The following TRPV6 variants were observed in gnomAD, a reference collection of about 807,000 sequenced individuals.
The protein encoded by TRPV6 is transient receptor potential cation channel subfamily V member 6.
A neutral mutation model predicts 79.0 loss-of-function variants in TRPV6; 39 were observed. The observed-to-expected ratio is 0.49, with a 90% CI of 0.38 to 0.64. The LOEUF is 0.64. TRPV6 is among the 30% of genes least tolerant of loss of function. The pLI is 0.00. For synonymous variants in TRPV6, 373 were observed against 391.9 expected (o/e 0.95, Z 0.57); for missense variants, 813 against 1,011.1 (o/e 0.80, Z 2.66).
chr7:142,879,087 A>T (rs1043471014), intron 1 of TRPV6: 3 of 152,226 alleles, frequency 2.0e-5, no homozygotes, highest in African/African-American at 7.2e-5. Flanking sequence ...TGTTTCGGCT[A>T]TTGGCCCCTA....
intron 4 of TRPV6, 147 bp from the exon 5 acceptor site, chr7:142,876,984 G>C (rs2116519283): frequency 7.0e-7 from 1 of 1,428,062 alleles, no homozygotes; most frequent in African/African-American, 1.4e-5. Flanking sequence ...GAAGGGTCGT[G>C]GGGTAAATTG....
chr7:142,879,409 T>C (rs1382754402), intron 1 of TRPV6: 2 of 152,230 alleles, frequency 1.3e-5, no homozygotes, highest in Non-Finnish European at 2.9e-5. Flanking sequence ...CTAAGACACA[T>C]GGGTCCCTTT....
At chr7:142,876,171 G>A in intron 6 of TRPV6, 1 of 714,118 alleles carries the variant, frequency 1.4e-6, no homozygotes, top group Non-Finnish European at 2.2e-6. Flanking sequence ...AAGGTGGGCT[G>A]GGGCATTACA....
At chr7:142,877,409 A>G in intron 3 of TRPV6, 130 bp from the exon 4 acceptor site, 1 of 1,496,784 alleles carries the variant, frequency 6.7e-7, no homozygotes, top group Non-Finnish European at 8.9e-7. Context: ...TCGGGTGTTC[A>G]GGATTCCCAG....
intron 14 of TRPV6, 74 bp from the exon 15 acceptor site, chr7:142,872,063 T>C: frequency 6.6e-7 from 1 of 1,509,584 alleles, no homozygotes; most frequent in South Asian, 1.3e-5. Flanking sequence ...TTGTCTGTTA[T>C]CCCCTGGTCC....
Position 142,872,374 on chromosome 7 carries a change from C to T in TRPV6, c.2013G>A (p.Leu671=), listed in dbSNP as rs553541295. 5.0e-6 allele frequency: 8 copies of T among 1,614,156 alleles called. No homozygotes were observed. In the African/African-American group the frequency reaches 1.1e-4, roughly 22 times the overall value. Residue 671 remains leucine, a splice_region_variant and synonymous_variant, in exon 14 of 15, where the codon CTG becomes CTA. Coordinates refer to ENST00000359396, the MANE Select transcript of TRPV6 (RefSeq NM_018646.6). ...ACCTACCCCCGCATATCACTCACCG[C>T]AGGAACCAGCGGTCTCCCAGGCCAT...
chr7:142,872,356 C>T lies in TRPV6; in HGVS notation c.2015+16G>A. ...TGAGGCTTCTCAGGGGACACCTACC[C>T]CCGCATATCACTCACCGCAGGAACC... On this transcript the variant is annotated intron_variant, in intron 14 of 14. Transcript: ENST00000359396. 6.2e-7 allele frequency: 1 copy of T among 1,613,366 alleles called. No individual in the cohort carries two copies. The highest frequency in any genetic ancestry group is 8.5e-7 in the Non-Finnish European group (1 of 1,179,426).
Position 142,875,685 on chromosome 7 carries a change from A to G in TRPV6, c.1030-5T>C, listed in dbSNP as rs187870270. 3.3e-4 allele frequency: 536 copies of G among 1,610,226 alleles called. 4 individuals are homozygous for G. The East Asian group carries it at 0.011, about 34-fold the overall frequency. On this transcript the variant is annotated splice_region_variant and splice_polypyrimidine_tract_variant and intron_variant, in intron 7 of 14. Transcript: ENST00000359396. ...CTGGTCCAGGATCTGGCGAGCCTGC[A>G]ACAGAAAGAGAACAGGTGGCTCAGA...
rs773646935 is a variant in TRPV6, at chr7:142,885,500, G to T, written c.137C>A (p.Pro46His). The change falls in exon 1 of 15, where the codon CCC (proline) becomes CAC (histidine). Residue 46 changes from proline (P) to histidine (H), a missense_variant. Pro to His is a moderately conservative substitution (Grantham distance 77). This residue lies in a region of TRPV6 where 555 missense variants were observed against 631.0 expected (regional missense o/e 0.88). Coordinates refer to ENST00000359396, the MANE Select transcript of TRPV6 (RefSeq NM_018646.6). ...GCAGAGAATTAGCCCTTTCTCCTTG[G>T]GCAGTGACAAACCCATGGGGTGTAG... 7 of 1,613,050 alleles carry T rather than the reference G, an allele frequency of 4.3e-6. No homozygotes were observed. The South Asian group carries it at 6.6e-5, about 15-fold the overall frequency.
rs1230346415 is a variant in TRPV6 at position 142,885,686 on chromosome 7, C to T, written c.-50G>A. ...AGTTCCTTGGGAGTCTCCCAGCAGC[C>T]CCAGCCAGTTTGGAGAGGGCTGTGA... On this transcript the variant is annotated 5_prime_UTR_variant, in exon 1 of 15. Transcript: ENST00000359396. 11 of 906,380 alleles carry T rather than the reference C, an allele frequency of 1.2e-5. No individual in the cohort carries two copies. Among genetic ancestry groups the T allele is most frequent in the Non-Finnish European group, 1.7e-5 (11 of 631,702 alleles). The allele number at this position is 906,380 out of a possible 1,614,324, so 56.1% of individuals were successfully genotyped here.
At chr7:142,885,034 A>G (rs887285277) in intron 1 of TRPV6, 1 of 176,316 alleles carries the variant, frequency 5.7e-6, no homozygotes, top group African/African-American at 2.4e-5. Context: ...CAGTGGAGAT[A>G]CAGAAGGCAT....
Position 142,876,435 on chromosome 7 carries a change from C to T in TRPV6, c.855G>A (p.Lys285=). 6.2e-7 allele frequency: 1 copy of T among 1,614,090 alleles called. No individual in the cohort carries two copies. Among genetic ancestry groups the T allele is most frequent in the Non-Finnish European group, 8.5e-7 (1 of 1,179,980 alleles). The change falls in exon 6 of 15, where the codon AAG becomes AAA. Residue 285 remains lysine, a synonymous_variant. Transcript: ENST00000359396. The stretch of plus-strand genomic sequence containing the variant: ...CAGTGTTACCCTCCACTCCAGCCAG[C>T]TTGAAAGGGGTGAGACCCTGGTGAT...
intron 1 of TRPV6, chr7:142,878,612 G>A (rs1005230463): frequency 6.4e-6 from 1 of 155,284 alleles, no homozygotes; most frequent in African/African-American, 2.4e-5. Context: ...GCATCTTCAG[G>A]GCTTAACACA....
chr7:142,876,131 T>C, intron 6 of TRPV6: 1 of 663,688 alleles, frequency 1.5e-6, no homozygotes, highest in East Asian at 2.7e-5. Context: ...GACGAGAGGC[T>C]GGAGGGCCCT....
Position 142,877,639 on chromosome 7 carries a change from G to A in TRPV6, c.469+12C>T, listed in dbSNP as rs766300853. ...CACTCCTGCTCTTCACCCCAGACCCGTGGGCCCTCACCCTCATAGAGCTCA... is the reference window on the plus strand; with the variant it reads ...CACTCCTGCTCTTCACCCCAGACCCATGGGCCCTCACCCTCATAGAGCTCA... On this transcript the variant is annotated intron_variant, in intron 3 of 14. Coordinates refer to ENST00000359396, the MANE Select transcript of TRPV6 (RefSeq NM_018646.6). 4.3e-5 allele frequency: 69 copies of A among 1,613,450 alleles called. 1 individual carries two copies. The highest frequency in any genetic ancestry group is 5.4e-5 in the Non-Finnish European group (64 of 1,179,790).
chr7:142,879,356 A>G (rs922962366), intron 1 of TRPV6: 1 of 152,138 alleles, frequency 6.6e-6, no homozygotes, highest in Non-Finnish European at 1.5e-5. Flanking sequence ...TCTTATACCT[A>G]CTGTGTGCTA....
At position 142,871,814 on chromosome 7, in the gene TRPV6, T is replaced by A. The variant is rs1480994157; in HGVS notation, c.2191A>T (p.Ser731Cys). The A allele has an allele frequency of 6.2e-7, 1 of 1,614,184 alleles. No homozygotes were observed. Among genetic ancestry groups the A allele is most frequent in the Admixed American group, 1.7e-5 (1 of 60,024 alleles). The change falls in exon 15 of 15, where the codon AGC becomes TGC. Residue 731 changes from serine (S) to cysteine (C), a missense_variant. Coordinates refer to ENST00000359396, the MANE Select transcript of TRPV6 (RefSeq NM_018646.6). ...CGAAGCCTTTCCCAATTGGCACTGC[T>A]GCGGGAGGTACTTCGAGACACTGAG...
Position 142,871,925 on chromosome 7 carries a change from G to T in TRPV6, c.2080C>A (p.Arg694=). The T allele has an allele frequency of 6.2e-7, 1 of 1,613,958 alleles. No homozygotes were observed. Among genetic ancestry groups the T allele is most frequent in the South Asian group, 1.1e-5 (1 of 91,022 alleles). Residue 694 remains arginine, a synonymous_variant, in exon 15 of 15, where the codon CGG becomes AGG. Coordinates refer to ENST00000359396, the MANE Select transcript of TRPV6 (RefSeq NM_018646.6). ...TCTTTGTCCAAATCCTCAGAGCCCCGGGTGTGGAAGGCCTGTGCGTAGCGT... is the reference window on the plus strand; with the variant it reads ...TCTTTGTCCAAATCCTCAGAGCCCCTGGTGTGGAAGGCCTGTGCGTAGCGT...
chr7:142,871,727 T>A lies in TRPV6; in HGVS notation c.2278A>T (p.Ser760Cys), dbSNP rs1794934658. ...CGCAGTCAGATCTGATATTCCCAGC[T>A]CTCCCCGTCCTCCAGACCCCTGTTG... Residue 760 changes from serine (S) to cysteine (C), a missense_variant, in exon 15 of 15, where the codon AGC becomes TGC. Transcript: ENST00000359396. 4 of 1,604,216 alleles carry A rather than the reference T, an allele frequency of 2.5e-6. No homozygotes were observed. The highest frequency in any genetic ancestry group is 3.4e-6 in the Non-Finnish European group (4 of 1,173,460).
Sources: gnomAD v4.1 joint callset for allele counts on GRCh38, gnomAD v4.1.1 for gene constraint, gnomAD v4.1.1 regional missense constraint, MANE v1.5 for transcripts, NCBI Gene and HGNC (gene_info 2026-07-23, HGNC 2026-07-21) for gene names.